LRP1: variants seen among roughly 807,000 people sequenced by gnomAD.
The protein encoded by LRP1 is prolow-density lipoprotein receptor-related protein 1.
In LRP1, 51 loss-of-function variants were observed where a neutral mutation model predicts 541.5. That is an observed-to-expected ratio of 0.09 (90% CI 0.08 to 0.12). The LOEUF (loss-of-function observed/expected upper bound fraction) is 0.12. Among genes scored for constraint, LRP1 ranks in the 10% least tolerant of loss-of-function variants. The probability of loss-of-function intolerance (pLI) is 1.00; values close to 1 mark genes in which losing one functional copy is unlikely to be tolerated. For synonymous variants in LRP1, 2,219 were observed against 2,470.8 expected (o/e 0.90, Z 3.02); for missense variants, 3,878 against 6,376.2 (o/e 0.61, Z 13.34).
Position 57,149,003 on chromosome 12 carries a change from A to G in LRP1, c.841+3513A>G, listed in dbSNP as rs1220159755. The G allele has an allele frequency of 5.9e-6, 4 of 673,798 alleles. No individual in the cohort carries two copies. The East Asian group carries it at 8.4e-5, about 14-fold the overall frequency. 41.7% of individuals were successfully genotyped at this position (673,798 alleles called of 1,614,324 possible). ...TAGTGTGTGTGTTTTCGAAATCACA[A>G]CAGGAAATGGGGTAGTGATTTGTCT... On this transcript the variant is annotated intron_variant, in intron 6 of 88. Transcript: ENST00000243077.
At chr12:57,145,138 C>T (rs1403549081) in intron 5 of LRP1, 38 bp downstream of exon 5, 1 of 1,613,610 alleles carries the variant, frequency 6.2e-7, no homozygotes, top group African/African-American at 1.3e-5. Flanking sequence ...GCTAACTAAG[C>T]CCCCTCAATG....
chr12:57,158,254 TG>T lies in LRP1; in HGVS notation c.1562-146del. On this transcript the variant is annotated intron_variant, in intron 10 of 88. Transcript: ENST00000243077. This position sits in a 1 kb window ranked among gnomAD's most constrained non-coding sequence, Gnocchi z 5.3. ...ATCGTCCTGTATGTTAGCGTGTGCGTGGTCTGTCCATCTGACCCAGAGCCTC... is the reference window on the plus strand; with the variant it reads ...ATCGTCCTGTATGTTAGCGTGTGCGTGTCTGTCCATCTGACCCAGAGCCTC... 1 of 685,414 alleles carries T rather than the reference TG, an allele frequency of 1.5e-6. No individual in the cohort carries two copies. Among genetic ancestry groups the T allele is most frequent in the Non-Finnish European group, 2.6e-6 (1 of 390,816 alleles). 42.5% of individuals were successfully genotyped at this position (685,414 alleles called of 1,614,324 possible). A position where few individuals can be genotyped will look rare whatever the true frequency, so the allele number is the denominator to read the frequency against.
Position 57,173,933 on chromosome 12 carries a change from A to T in LRP1, c.3500A>T (p.Asp1167Val). 1 of 1,614,212 alleles carries T rather than the reference A, an allele frequency of 6.2e-7. No individual in the cohort carries two copies. The highest frequency in any genetic ancestry group is 8.5e-7 in the Non-Finnish European group (1 of 1,180,032). ...TGCCTGCCCCCTGACAAGCTGTGTG[A>T]TGGCAACGACGACTGTGGCGACGGC... The part of the protein sequence containing the change: ...SVCLPPDKLC[D>V]GNDDCGDGSD... Residue 1167 changes from aspartate (D) to valine (V), a missense_variant, in exon 22 of 89, where the codon GAT becomes GTT. By Grantham distance (152) the Asp-to-Val change is radical. This residue lies in a region of LRP1 where 320 missense variants were observed against 547.9 expected (regional missense o/e 0.58). Transcript: ENST00000243077. This position sits in a 1 kb window ranked among gnomAD's most constrained non-coding sequence, Gnocchi z 4.7.
At chr12:57,171,145 C>T (rs370407669) in intron 20 of LRP1, among the ~76,000 whole-genome samples, 5 of 152,298 alleles carry the variant, frequency 3.3e-5, no homozygotes, top group African/African-American at 7.2e-5. Flanking sequence ...AGCTCCCTGC[C>T]GCTCCCAGAT....
intron 12 of LRP1, among the ~76,000 whole-genome samples, chr12:57,160,647 G>A (rs1024242415): frequency 7.9e-5 from 12 of 152,124 alleles, no homozygotes; most frequent in African/African-American, 2.2e-4. Flanking sequence ...TGGGAGCTCC[G>A]TGGGAGCAGG....
At position 57,203,279 on chromosome 12, in the gene LRP1, T is replaced by G. The variant is rs1467820592; in HGVS notation, c.10810T>G (p.Ser3604Ala). 1 of 1,604,934 alleles carries G rather than the reference T, an allele frequency of 6.2e-7. No individual in the cohort carries two copies. Among genetic ancestry groups the G allele is most frequent in the Admixed American group, 1.7e-5 (1 of 59,708 alleles). ...TGGAGACCACGACTGCGCGGACGGC[T>G]CGGACGAGGTGGGCAGGGAGATGAG... The part of the protein sequence containing the change: ...CDGDHDCADG[S>A]DEKDCTPRCD... Residue 3604 changes from serine to alanine, a missense_variant, in exon 69 of 89, where the codon TCG (serine) becomes GCG (alanine). Ser to Ala is a moderately conservative substitution (Grantham distance 99, BLOSUM62 1). This residue lies in a region of LRP1 where 278 missense variants were observed against 536.3 expected (regional missense o/e 0.52). Transcript: ENST00000243077.
At chr12:57,199,671 G>A (rs1437122231) in intron 61 of LRP1, among the ~76,000 whole-genome samples, 1 of 152,184 alleles carries the variant, frequency 6.6e-6, no homozygotes, top group East Asian at 1.9e-4. Flanking sequence ...CCGGCCCCTG[G>A]GAGGGAAGCA....
At position 57,158,773 on chromosome 12, in the gene LRP1, A is replaced by C; in HGVS notation, c.1798+135A>C. 1 of 815,228 alleles carries C rather than the reference A, an allele frequency of 1.2e-6. No homozygotes were observed. The highest frequency in any genetic ancestry group is 1.7e-5 in the African/African-American group (1 of 58,568). 50.5% of individuals were successfully genotyped at this position (815,228 alleles called of 1,614,324 possible). A position where few individuals can be genotyped will look rare whatever the true frequency, so the allele number is the denominator to read the frequency against. ...CACTGGTTGGCATGGAGATGAGGGG[A>C]TAGACAGATTGACCCCTGTGTGACC... is the stretch of plus-strand genomic sequence containing the variant. On this transcript the variant is annotated intron_variant, in intron 11 of 88. Coordinates refer to ENST00000243077, the MANE Select transcript of LRP1 (RefSeq NM_002332.3). The surrounding 1 kb of genome is among the most constrained non-coding windows in gnomAD (Gnocchi z 5.3).
chr12:57,140,696 CCAT>C (rs1301522859), intron 2 of LRP1, among the ~76,000 whole-genome samples: 38 of 152,246 alleles, frequency 2.5e-4, no homozygotes, highest in African/African-American at 9.2e-4. Context: ...AGTTTCTCTG[CCAT>C]GGACCCTGCT....
intron 6 of LRP1, among the ~76,000 whole-genome samples, chr12:57,150,810 T>A (rs2035511832): frequency 6.6e-6 from 1 of 152,208 alleles, no homozygotes; most frequent in Non-Finnish European, 1.5e-5. Flanking sequence ...ATTAAGTAAC[T>A]TGCTCATAGC....
Position 57,185,976 on chromosome 12 carries a change from C to A in LRP1, c.6841+68C>A, listed in dbSNP as rs1420310265. On this transcript the variant is annotated intron_variant, in intron 41 of 88. Transcript: ENST00000243077. The surrounding 1 kb of genome is among the most constrained non-coding windows in gnomAD (Gnocchi z 4.9). ...GCGGGGAGCAGCACAGACTCTTAGA[C>A]CCCAGCCAGGCACTCTACCCTAGGT... is the stretch of plus-strand genomic sequence containing the variant. 2.6e-6 allele frequency: 4 copies of A among 1,516,012 alleles called. No homozygotes were observed. The highest frequency in any genetic ancestry group is 3.5e-6 in the Non-Finnish European group (4 of 1,127,606). The allele number at this position is 1,516,012 out of a possible 1,614,324, so 93.9% of individuals were successfully genotyped here. A position where few individuals can be genotyped will look rare whatever the true frequency, so the allele number is the denominator to read the frequency against.
chr12:57,166,695 G>A (rs1396460488), intron 17 of LRP1, among the ~76,000 whole-genome samples: 2 of 152,216 alleles, frequency 1.3e-5, no homozygotes, highest in African/African-American at 4.8e-5. Context: ...CATAGCTCTA[G>A]ACTGGAGAGG....
Position 57,180,734 on chromosome 12 carries a change from G to A in LRP1, c.5454G>A (p.Ser1818=), listed in dbSNP as rs566365299. The change falls in exon 33 of 89, where the codon TCG becomes TCA. Residue 1818 remains serine, a synonymous_variant. Transcript: ENST00000243077. ...GCACATGCAGCAAGGCTGACGGCTC[G>A]GGCTCCGTGGTCCTTCGGAACAGCA... ...KMGTCSKADG[S]GSVVLRNSTT... 138 of 1,614,078 alleles carry A rather than the reference G, an allele frequency of 8.5e-5. 1 individual carries two copies. The South Asian group carries it at 1.4e-3, about 16-fold the overall frequency.
intron 77 of LRP1, 100 bp downstream of exon 77, chr12:57,208,316 C>T: frequency 7.7e-7 from 1 of 1,299,738 alleles, no homozygotes; most frequent in Non-Finnish European, 1.1e-6. Flanking sequence ...CCCTCCCAGG[C>T]CAGCCTGAGG....
At position 57,205,815 on chromosome 12, in the gene LRP1, C is replaced by T; in HGVS notation, c.11590+138C>T. 1 of 1,324,678 alleles carries T rather than the reference C, an allele frequency of 7.5e-7. No homozygotes were observed. The highest frequency in any genetic ancestry group is 1.0e-6 in the Non-Finnish European group (1 of 977,896). 82.1% of individuals were successfully genotyped at this position (1,324,678 alleles called of 1,614,324 possible). On this transcript the variant is annotated intron_variant, in intron 75 of 88. Transcript: ENST00000243077. The surrounding 1 kb of genome is among the most constrained non-coding windows in gnomAD (Gnocchi z 4.6). Reference sequence around the variant, plus strand: ...AGCCCCAGACTCATAGTTGCAGCTGCCTGAGCACAGTGCTGGCCCAGCAGT... The same window carrying T: ...AGCCCCAGACTCATAGTTGCAGCTGTCTGAGCACAGTGCTGGCCCAGCAGT...
In LRP1 at chr12:57,183,841, C is replaced by T. The variant is rs747084009; in HGVS notation, c.5861C>T (p.Thr1954Met). ...STISRAKRDQ[T>M]WREDVVTNGI... The stretch of plus-strand genomic sequence containing the variant: ...ATCAGCCGGGCCAAGCGGGACCAGA[C>T]GTGGCGTGAAGACGTGGTGACCAAT... Residue 1954 changes from threonine (T) to methionine (M), a missense_variant, in exon 36 of 89, where the codon ACG (threonine) becomes ATG (methionine). Transcript: ENST00000243077. The surrounding 1 kb of genome is among the most constrained non-coding windows in gnomAD (Gnocchi z 6.1). 15 of 1,614,064 alleles carry T rather than the reference C, an allele frequency of 9.3e-6. No homozygotes were observed. Among genetic ancestry groups the T allele is most frequent in the Admixed American group, 1.7e-5 (1 of 60,008 alleles).
rs1291516525 is a variant in LRP1, at chr12:57,189,721, G to T, written c.7032-1084G>T. Among the ~76,000 whole-genome samples the T allele has an allele frequency of 1.3e-5, 2 of 152,116 alleles. No individual in the cohort carries two copies. The highest frequency in any genetic ancestry group is 2.4e-5 in the African/African-American group (1 of 41,408). ...AGGAGGAGGCCAGAGGCACTGGGGT[G>T]GGGGCGGGGGCAGGTCCTGTTAGGG... On this transcript the variant is annotated intron_variant, in intron 42 of 88. Transcript: ENST00000243077. This position sits in a 1 kb window ranked among gnomAD's most constrained non-coding sequence, Gnocchi z 4.4.
rs138348495 is a variant in LRP1, at chr12:57,193,273, G to A, written c.7653G>A (p.Lys2551=). 11,407 of 1,613,658 alleles carry A rather than the reference G, an allele frequency of 7.1e-3. 61 individuals are homozygous for A. Among genetic ancestry groups the A allele is most frequent in the South Asian group, 0.014 (1,277 of 91,082 alleles). The change falls in exon 46 of 89, where the codon AAG becomes AAA. Residue 2551 remains lysine (K), a synonymous_variant. Transcript: ENST00000243077. ...SLTCDGVPHC[K]DKSDEKPSYC... is the part of the protein sequence containing the mutation. ...CCTGCGACGGCGTCCCCCACTGCAA[G>A]GACAAGTCCGATGAGAAGCCATCCT...
rs148666689 is a variant in LRP1, at chr12:57,205,622, C to T, written c.11535C>T (p.His3845=). Reference sequence around the variant, plus strand: ...TCTGCAACAACACCAAGGGCGGCCACCTCTGCAGCTGCGCTCGGAACTTCA... The same window carrying T: ...TCTGCAACAACACCAAGGGCGGCCATCTCTGCAGCTGCGCTCGGAACTTCA... ...SQLCNNTKGG[H]LCSCARNFMK... Residue 3845 remains histidine (H), a synonymous_variant, in exon 75 of 89, where the codon CAC becomes CAT. Transcript: ENST00000243077. This position sits in a 1 kb window ranked among gnomAD's most constrained non-coding sequence, Gnocchi z 4.6. The T allele has an allele frequency of 3.7e-6, 6 of 1,613,616 alleles. No individual in the cohort carries two copies. In the African/African-American group the frequency reaches 5.3e-5, roughly 14 times the overall value.
Sources: gnomAD v4.1 joint callset for allele counts (sites outside exome capture counted in the v4.1 genomes callset) on GRCh38, gnomAD v4.1.1 for gene constraint, gnomAD v4.1.1 regional missense constraint, Gnocchi (gnomAD v3.1) non-coding constraint, MANE v1.5 for transcripts, NCBI Gene and HGNC (gene_info 2026-07-23, HGNC 2026-07-21) for gene names.